The following TMEM50B variants were observed in gnomAD, a reference collection of about 807,000 sequenced individuals.
TMEM50B encodes transmembrane protein 50B.
Under a neutral mutation model 23.4 loss-of-function variants are expected in TMEM50B, and 14 were observed. The ratio of observed to expected loss-of-function variants is 0.60; its 90% confidence interval spans 0.39 to 0.93. The LOEUF (loss-of-function observed/expected upper bound fraction) is 0.93, where lower values mean the gene tolerates loss of function less well. TMEM50B is among the 40% of genes least tolerant of loss of function. The pLI, the probability that TMEM50B is intolerant of heterozygous loss-of-function variation, is 0.00. For synonymous variants in TMEM50B, 64 were observed against 62.3 expected, an observed-to-expected ratio of 1.03 and a Z score of -0.13; for missense variants, 159 against 193.0, an observed-to-expected ratio of 0.82 and a Z score of 1.04.
At chr21:33,434,394 C>T (rs189854311) in intron 8 of TMEM50B, among the ~76,000 whole-genome samples, 29 of 152,090 alleles carry the variant, frequency 1.9e-4, no homozygotes, top group South Asian at 6.2e-4. Flanking sequence ...TGGTGGTGGG[C>T]GCCTGTAATC....
chr21:33,455,789 A>G lies in TMEM50B; in HGVS notation c.374-5T>C, dbSNP rs754491237. The G allele has an allele frequency of 7.4e-6, 12 of 1,612,478 alleles. No homozygotes were observed. The highest frequency in any genetic ancestry group is 1.6e-4 in the Middle Eastern group (1 of 6,074). On this transcript the variant is annotated splice_region_variant and splice_polypyrimidine_tract_variant and intron_variant, in intron 5 of 6. Coordinates refer to ENST00000542230, the MANE Select transcript of TMEM50B (RefSeq NM_006134.7). The stretch of plus-strand genomic sequence containing the variant: ...GTCCCGGATAAACATCAGTATCTAC[A>G]TACACAAAGTAAAACAGATTAGACG...
downstream of TMEM50B, among the ~76,000 whole-genome samples, chr21:33,447,673 T>C (rs939608027): frequency 7.9e-6 from 1 of 126,946 alleles, no homozygotes; most frequent in Non-Finnish European, 1.6e-5. Context: ...ACGTCTTGTG[T>C]ATAGAAATAC....
downstream of TMEM50B, among the ~76,000 whole-genome samples, chr21:33,446,667 A>AC (rs1568973016): frequency 3.4e-5 from 5 of 147,994 alleles, no homozygotes; most frequent in African/African-American, 1.2e-4. Flanking sequence ...AAAAAAAAAA[A>AC]AAAAAAAAAA....
intron 4 of TMEM50B, among the ~76,000 whole-genome samples, chr21:33,464,302 A>G (rs1311543060): frequency 1.3e-5 from 2 of 150,984 alleles, no homozygotes; most frequent in African/African-American, 4.9e-5. Context: ...GGTTCAAGCG[A>G]TTCTCTTGCC....
At chr21:33,475,150 G>T (rs181783410) in intron 1 of TMEM50B, among the ~76,000 whole-genome samples, 2 of 150,930 alleles carry the variant, frequency 1.3e-5, no homozygotes, top group Non-Finnish European at 3.0e-5. Flanking sequence ...GGTCTCCAAC[G>T]CCCAGTCTTC....
intron 3 of TMEM50B, 118 bp downstream of exon 3, chr21:33,466,892 T>C (rs2084269044): frequency 2.7e-6 from 2 of 728,720 alleles, no homozygotes; most frequent in African/African-American, 1.8e-5. Flanking sequence ...TATGTATGTA[T>C]CATGTTAAAA....
At chr21:33,465,279 C>T in intron 4 of TMEM50B, 63 bp downstream of exon 4, 2 of 1,264,522 alleles carry the variant, frequency 1.6e-6, no homozygotes, top group Non-Finnish European at 2.3e-6. Context: ...ACAAGAGAGG[C>T]TTTTTTTCTG....
At position 33,432,890 on chromosome 21, in the gene TMEM50B, C is replaced by CTT. The variant is rs143248516; in HGVS notation, c.*2121-90_*2121-89dup. On this transcript the variant is annotated intron_variant and NMD_transcript_variant, in intron 8 of 8. Coordinates refer to the TMEM50B transcript ENST00000420455. ...AGAAGAGGTACGTGTGCACACATCT[C>CTT]TTTTTTTTTTTTTGAGACAGGGTCT... 5.1e-3 allele frequency: 7,441 copies of CTT among 1,472,242 alleles called. No individual in the cohort carries two copies. The highest frequency in any genetic ancestry group is 5.7e-3 in the Non-Finnish European group (6,088 of 1,074,232). The allele number at this position is 1,472,242 out of a possible 1,614,324, so 91.2% of individuals were successfully genotyped here.
At chr21:33,433,374 G>A (rs911698027) in intron 8 of TMEM50B, among the ~76,000 whole-genome samples, 1 of 152,182 alleles carries the variant, frequency 6.6e-6, no homozygotes, top group Non-Finnish European at 1.5e-5. Context: ...TGTCGTTGAA[G>A]GATTAATAGA....
At chr21:33,451,646 C>A (rs2123417180) in intron 6 of TMEM50B, among the ~76,000 whole-genome samples, 1 of 152,108 alleles carries the variant, frequency 6.6e-6, no homozygotes, top group South Asian at 2.1e-4. Context: ...ATGAGTTGAG[C>A]TGTGGGCATA....
intron 1 of TMEM50B, among the ~76,000 whole-genome samples, chr21:33,476,650 T>TA (rs1415380374): frequency 1.4e-5 from 2 of 147,748 alleles, no homozygotes; most frequent in Admixed American, 6.8e-5. Flanking sequence ...AGTCCCAGCT[T>TA]CTCGGGAGGC....
chr21:33,451,304 A>T (rs1426168390), intron 6 of TMEM50B, among the ~76,000 whole-genome samples: 3 of 152,184 alleles, frequency 2.0e-5, no homozygotes, highest in Non-Finnish European at 1.5e-5. Context: ...TTCAACAAAT[A>T]ATTATTGTGC....
At chr21:33,446,170 T>C (rs374798884), downstream of TMEM50B, among the ~76,000 whole-genome samples, 22 of 152,312 alleles carry the variant, frequency 1.4e-4, no homozygotes, top group African/African-American at 5.1e-4. Context: ...CCCTGTGTTC[T>C]ATCTATTCTA....
At chr21:33,467,179 CTTT>C (rs917553837) in intron 2 of TMEM50B, 57 bp from the exon 3 acceptor site, 2 of 1,399,468 alleles carry the variant, frequency 1.4e-6, no homozygotes, top group African/African-American at 2.8e-5. Flanking sequence ...ACAATACCTG[CTTT>C]TTAACATTCC....
chr21:33,438,314 G>C (rs1033666351), intron 8 of TMEM50B, among the ~76,000 whole-genome samples: 2 of 152,054 alleles, frequency 1.3e-5, no homozygotes, highest in Admixed American at 1.3e-4. Context: ...AGTTATAAGG[G>C]GGATTTGCAG....
chr21:33,455,027 G>A (rs2123424039), intron 6 of TMEM50B, among the ~76,000 whole-genome samples: 1 of 152,226 alleles, frequency 6.6e-6, no homozygotes, highest in South Asian at 2.1e-4. Flanking sequence ...TGAGGCATGG[G>A]AATCGCCTGA....
In TMEM50B at chr21:33,450,622, T is replaced by G. The variant is rs1449053404; in HGVS notation, c.*196A>C. The G allele has an allele frequency of 3.9e-6, 2 of 509,118 alleles. No homozygotes were observed. Among genetic ancestry groups the G allele is most frequent in the Non-Finnish European group, 7.1e-6 (2 of 280,008 alleles). The allele number at this position is 509,118 out of a possible 1,614,324, so 31.5% of individuals were successfully genotyped here. On this transcript the variant is annotated 3_prime_UTR_variant, in exon 7 of 7. Coordinates refer to ENST00000542230, the MANE Select transcript of TMEM50B (RefSeq NM_006134.7). ...TTATCCAATTCATATAGTCTTGTAT[T>G]ATATACATATTAACAGTCTATGCAA...
At chr21:33,454,945 C>T (rs1263851607) in intron 6 of TMEM50B, among the ~76,000 whole-genome samples, 2 of 151,842 alleles carry the variant, frequency 1.3e-5, no homozygotes, top group African/African-American at 4.8e-5. Flanking sequence ...GGTGAAACCT[C>T]GTCTCTACTA....
downstream of TMEM50B, chr21:33,446,935 G>C (rs1200360627): frequency 6.6e-6 from 1 of 152,138 alleles, no homozygotes; most frequent in South Asian, 2.1e-4. Context: ...CTGGGGTCAG[G>C]AATTTGAGAC....
Sources: gnomAD v4.1 joint callset for allele counts (sites outside exome capture counted in the v4.1 genomes callset) on GRCh38, gnomAD v4.1.1 for gene constraint, MANE v1.5 for transcripts, NCBI Gene and HGNC (gene_info 2026-07-23, HGNC 2026-07-21) for gene names.